The following TAFA2 variants were observed in gnomAD, a reference collection of about 807,000 sequenced individuals.
The protein encoded by TAFA2 is TAFA chemokine like family member 2.
Under a neutral mutation model 18.8 loss-of-function variants are expected in TAFA2, and 7 were observed. That is an observed-to-expected ratio of 0.37 (90% CI 0.21 to 0.70). TAFA2 has a LOEUF of 0.70. Among genes scored for constraint, TAFA2 ranks in the 30% least tolerant of loss-of-function variants. TAFA2 has a pLI of 0.53. For missense variants in TAFA2, 122 were observed against 158.1 expected, an observed-to-expected ratio of 0.77 and a Z score of 1.23; for synonymous variants, 60 against 54.2, an observed-to-expected ratio of 1.11 and a Z score of -0.47.
upstream of TAFA2, among the ~76,000 whole-genome samples, chr12:62,196,563 G>C (rs1396831733): frequency 1.3e-5 from 2 of 152,172 alleles, no homozygotes; most frequent in African/African-American, 4.8e-5. Flanking sequence ...CCCCAGGAGA[G>C]AGAGGGAGTT....
chr12:61,794,034 G>C (rs1871093052), intron 2 of TAFA2, among the ~76,000 whole-genome samples: 1 of 151,772 alleles, frequency 6.6e-6, no homozygotes, highest in South Asian at 2.1e-4. Context: ...CAGCAAACTA[G>C]GTATAGAAAA....
chr12:62,018,179 T>A (rs1881001458), intron 1 of TAFA2, among the ~76,000 whole-genome samples: 1 of 152,186 alleles, frequency 6.6e-6, no homozygotes, highest in Non-Finnish European at 1.5e-5. Flanking sequence ...GACACTGTAA[T>A]TAATGTGCAT....
At chr12:61,768,686 C>T (rs1181405067) in intron 2 of TAFA2, among the ~76,000 whole-genome samples, 1 of 151,972 alleles carries the variant, frequency 6.6e-6, no homozygotes, top group Admixed American at 6.6e-5. Flanking sequence ...ACTCTCGGTC[C>T]CCAGGGAAGG....
intron 1 of TAFA2, among the ~76,000 whole-genome samples, chr12:62,183,521 C>T (rs923676798): frequency 9.9e-5 from 15 of 152,156 alleles, no homozygotes; most frequent in Admixed American, 8.5e-4. Flanking sequence ...GTAGCTGGGA[C>T]TACAGGCACT....
chr12:61,775,333 T>C (rs903819279), intron 2 of TAFA2, among the ~76,000 whole-genome samples: 2 of 151,864 alleles, frequency 1.3e-5, no homozygotes, highest in African/African-American at 2.4e-5. Flanking sequence ...TGAAAACTTA[T>C]ATTGACCCAA....
intron 1 of TAFA2, among the ~76,000 whole-genome samples, chr12:62,110,204 T>TG (rs1869660416): frequency 6.6e-6 from 1 of 152,340 alleles, no homozygotes; most frequent in East Asian, 1.9e-4. Context: ...TTGAATTTTA[T>TG]CGAAGGCCTT....
intron 2 of TAFA2, among the ~76,000 whole-genome samples, chr12:61,786,771 A>G (rs568430691): frequency 6.6e-6 from 1 of 151,680 alleles, no homozygotes; most frequent in African/African-American, 2.4e-5. Context: ...TTTTAATACT[A>G]TACGTGAAAG....
intron 1 of TAFA2, among the ~76,000 whole-genome samples, chr12:62,016,333 G>A (rs1021226961): frequency 1.3e-5 from 2 of 152,098 alleles, no homozygotes; most frequent in African/African-American, 4.8e-5. Context: ...TTCTTTTCAG[G>A]AAAGCTCTCT....
intron 1 of TAFA2, among the ~76,000 whole-genome samples, chr12:61,960,687 A>T (rs1487900561): frequency 6.6e-6 from 1 of 151,762 alleles, no homozygotes; most frequent in Non-Finnish European, 1.5e-5. Flanking sequence ...TGGCTATTTA[A>T]TCAATTGTAT....
intron 4 of TAFA2, among the ~76,000 whole-genome samples, chr12:61,715,914 A>G (rs1488372383): frequency 1.4e-5 from 2 of 147,880 alleles, no homozygotes; most frequent in South Asian, 2.1e-4. Context: ...GAGACTGTCT[A>G]AAAAAAAAAA....
At chr12:61,713,686 A>T (rs1661015901) in intron 4 of TAFA2, among the ~76,000 whole-genome samples, 1 of 152,176 alleles carries the variant, frequency 6.6e-6, no homozygotes, top group Non-Finnish European at 1.5e-5. Flanking sequence ...CAAGGTCCAA[A>T]TACTATTTGC....
At position 61,772,417 on chromosome 12, in the gene TAFA2, CA is replaced by C. The variant is rs368162642; in HGVS notation, c.107-17394del. Reference sequence around the variant, plus strand: ...CCCTAAAGCCAAAACCAGGAAAGGACATAACTAAAAAAGAAAACTACAGACC... The same window carrying C: ...CCCTAAAGCCAAAACCAGGAAAGGACTAACTAAAAAAGAAAACTACAGACC... On this transcript the variant is annotated intron_variant, in intron 2 of 4. Coordinates refer to ENST00000416284, the MANE Select transcript of TAFA2 (RefSeq NM_178539.5). Among the ~76,000 whole-genome samples, 528 of 151,808 alleles carry C rather than the reference CA, an allele frequency of 3.5e-3. 1 individual carries two copies. The highest frequency in any genetic ancestry group is 0.012 in the African/African-American group (478 of 41,484).
At chr12:61,743,449 C>A (rs113711514) in intron 4 of TAFA2, among the ~76,000 whole-genome samples, 1 of 152,028 alleles carries the variant, frequency 6.6e-6, no homozygotes, top group South Asian at 2.1e-4. Context: ...AATAATTTAA[C>A]GCATATTGCT....
intron 1 of TAFA2, among the ~76,000 whole-genome samples, chr12:62,011,044 T>TG (rs1382198205): frequency 1.4e-5 from 2 of 140,282 alleles, no homozygotes; most frequent in East Asian, 2.2e-4. Flanking sequence ...ATCTGGGAGG[T>TG]GGGGGGCGTC....
chr12:61,942,155 G>A (rs1399552245), intron 1 of TAFA2, among the ~76,000 whole-genome samples: 31 of 148,490 alleles, frequency 2.1e-4, no homozygotes, highest in African/African-American at 5.5e-4. Flanking sequence ...CCTGACCCCC[G>A]AGCAGCCTAA....
chr12:61,724,494 G>A (rs1399623752), intron 4 of TAFA2, among the ~76,000 whole-genome samples: 1 of 151,802 alleles, frequency 6.6e-6, no homozygotes, highest in Non-Finnish European at 1.5e-5. Context: ...CCCCTGAAGA[G>A]TGTACACTAT....
At chr12:61,810,642 C>A (rs1410994804) in intron 2 of TAFA2, among the ~76,000 whole-genome samples, 1 of 150,014 alleles carries the variant, frequency 6.7e-6, no homozygotes, top group Non-Finnish European at 1.5e-5. Flanking sequence ...AAGCAGCTGC[C>A]CAGATAGAGA....
chr12:61,892,590 A>G (rs143324764), intron 1 of TAFA2, among the ~76,000 whole-genome samples: 260 of 152,354 alleles, frequency 1.7e-3, no homozygotes, highest in African/African-American at 5.6e-3. Flanking sequence ...TAATCTCAGC[A>G]CTTTGTGAGG....
chr12:61,902,718 A>G (rs755495028), intron 1 of TAFA2, among the ~76,000 whole-genome samples: 5 of 152,142 alleles, frequency 3.3e-5, no homozygotes, highest in Non-Finnish European at 7.4e-5. Flanking sequence ...ATTTTTCTCC[A>G]GCCTTGATAT....
Sources: allele counts gnomAD v4.1 joint callset (sites outside exome capture counted in the v4.1 genomes callset), GRCh38; gene constraint gnomAD v4.1.1; transcripts MANE v1.5; gene names NCBI Gene and HGNC (gene_info 2026-07-23, HGNC 2026-07-21).